The following NCOA1 variants were observed in gnomAD, a reference collection of about 807,000 sequenced individuals.
NCOA1 encodes Hin-2 protein.
In NCOA1, 35 loss-of-function variants were observed where a neutral mutation model predicts 150.9. The observed-to-expected ratio is 0.23, with a 90% CI of 0.18 to 0.31. The LOEUF is 0.31. Among genes scored for constraint, NCOA1 ranks in the 10% least tolerant of loss-of-function variants. The pLI is 1.00. For missense variants in NCOA1, 1,491 were observed against 1,749.3 expected, an observed-to-expected ratio of 0.85 and a Z score of 2.63; for synonymous variants, 590 against 630.0, an observed-to-expected ratio of 0.94 and a Z score of 0.95.
At chr2:24,767,246 C>T (rs1226937546) in intron 22 of NCOA1, among the ~76,000 whole-genome samples, 1 of 152,132 alleles carries the variant, frequency 6.6e-6, no homozygotes, top group East Asian at 1.9e-4. Flanking sequence ...AAAAAAAATA[C>T]ACCACTAATC....
chr2:24,616,645 A>G (rs1668882898), intron 3 of NCOA1, among the ~76,000 whole-genome samples: 1 of 152,208 alleles, frequency 6.6e-6, no homozygotes, highest in Non-Finnish European at 1.5e-5. Flanking sequence ...GTGACTTGAT[A>G]TAAGAGTACA....
At chr2:24,743,621 T>C (rs147776607) in intron 19 of NCOA1, among the ~76,000 whole-genome samples, 334 of 152,318 alleles carry the variant, frequency 2.2e-3, no homozygotes, top group African/African-American at 7.7e-3. Flanking sequence ...TGTCTTACAA[T>C]TTCTGTATGC....
chr2:24,588,857 T>C lies in NCOA1; in HGVS notation c.-175+4297T>C, dbSNP rs544180964. Among the ~76,000 whole-genome samples the C allele has an allele frequency of 5.9e-5, 9 of 152,342 alleles. No individual in the cohort carries two copies. In the South Asian group the frequency reaches 1.9e-3, roughly 32 times the overall value. On this transcript the variant is annotated intron_variant, in intron 3 of 22. Coordinates refer to ENST00000348332, the MANE Select transcript of NCOA1 (RefSeq NM_003743.5). The stretch of plus-strand genomic sequence containing the variant: ...ATAATAATCATCATGAAATCTGTAG[T>C]AGGATCACACCTTATGTATACTCAG...
In NCOA1 at chr2:24,525,832, G is replaced by C. The variant is rs561602185; in HGVS notation, c.-396+34230G>C. Among the ~76,000 whole-genome samples, 49 of 152,252 alleles carry C rather than the reference G, an allele frequency of 3.2e-4. 1 individual carries two copies. The South Asian group carries it at 1.0e-2, about 31-fold the overall frequency. ...CAAAGTGCTGGGATTACAGGCATGA[G>C]CCCCCGAGCCCGACCTTATGTTAGA... On this transcript the variant is annotated intron_variant, in intron 1 of 22. Coordinates refer to ENST00000348332, the MANE Select transcript of NCOA1 (RefSeq NM_003743.5).
chr2:24,700,659 T>C (rs1022422012), intron 11 of NCOA1, among the ~76,000 whole-genome samples: 3 of 152,178 alleles, frequency 2.0e-5, no homozygotes, highest in Non-Finnish European at 4.4e-5. Context: ...TAGGAGAAGA[T>C]CCATGCAAGT....
chr2:24,641,269 T>C (rs1670203603), intron 3 of NCOA1, among the ~76,000 whole-genome samples: 1 of 151,268 alleles, frequency 6.6e-6, no homozygotes, highest in Non-Finnish European at 1.5e-5. Context: ...GTAATATAAT[T>C]AACATTTAAT....
In NCOA1 at chr2:24,769,294, T is replaced by C. The variant is rs561509692; in HGVS notation, c.*903T>C. 4.2e-5 allele frequency: 8 copies of C among 189,478 alleles called. No individual in the cohort carries two copies. The highest frequency in any genetic ancestry group is 6.7e-5 in the Non-Finnish European group (6 of 89,926). 11.7% of individuals were successfully genotyped at this position (189,478 alleles called of 1,614,324 possible). On this transcript the variant is annotated 3_prime_UTR_variant, in exon 23 of 23. Transcript: ENST00000348332. ...CTCATTGTAAATATATTTGATTTCT[T>C]GTAGAAATTGATTTCCTTCTGTTTA... is the stretch of plus-strand genomic sequence containing the variant.
At chr2:24,686,615 A>G (rs1672417081) in intron 8 of NCOA1, among the ~76,000 whole-genome samples, 1 of 152,130 alleles carries the variant, frequency 6.6e-6, no homozygotes, top group Non-Finnish European at 1.5e-5. Context: ...TCAGGACCTT[A>G]TGTGAGTGAT....
intron 3 of NCOA1, among the ~76,000 whole-genome samples, chr2:24,624,821 G>T (rs757585382): frequency 4.6e-5 from 7 of 152,214 alleles, no homozygotes; most frequent in Non-Finnish European, 8.8e-5. Flanking sequence ...GACTCTTGGG[G>T]TGGATGCATG....
chr2:24,609,753 T>C (rs1668540763), intron 3 of NCOA1, among the ~76,000 whole-genome samples: 1 of 152,182 alleles, frequency 6.6e-6, no homozygotes, highest in East Asian at 1.9e-4. Context: ...AGGAAATTCT[T>C]TCTGGTAACT....
At chr2:24,666,906 A>G (rs2148508231) in intron 6 of NCOA1, among the ~76,000 whole-genome samples, 1 of 152,258 alleles carries the variant, frequency 6.6e-6, no homozygotes, top group East Asian at 1.9e-4. Flanking sequence ...CATACCATCA[A>G]ACTCCTTGGT....
chr2:24,544,854 TA>T (rs1452686298), intron 1 of NCOA1, among the ~76,000 whole-genome samples: 3 of 152,076 alleles, frequency 2.0e-5, no homozygotes, highest in Non-Finnish European at 2.9e-5. Context: ...ATATTGGGAT[TA>T]AAAAAATAAG....
chr2:24,683,500 C>T (rs1367443505), intron 8 of NCOA1, among the ~76,000 whole-genome samples: 1 of 152,134 alleles, frequency 6.6e-6, no homozygotes, highest in Admixed American at 6.5e-5. Flanking sequence ...TGTCATATAT[C>T]TACTAAAATT....
At chr2:24,567,355 G>A (rs1041612915) in intron 2 of NCOA1, among the ~76,000 whole-genome samples, 1 of 152,004 alleles carries the variant, frequency 6.6e-6, no homozygotes, top group Non-Finnish European at 1.5e-5. Flanking sequence ...TGTTTTTTTA[G>A]GTATATCTTT....
At position 24,673,394 on chromosome 2, in the gene NCOA1, G is replaced by A; in HGVS notation, c.285G>A (p.Gln95=). 6.3e-7 allele frequency: 1 copy of A among 1,579,838 alleles called. No homozygotes were observed. The highest frequency in any genetic ancestry group is 1.8e-5 in the Admixed American group (1 of 54,116). ...AATCAACAACTGATGACGATGTACAGAAATCAGACATCTCATCAAGTAGTC... is the reference window on the plus strand; with the variant it reads ...AATCAACAACTGATGACGATGTACAAAAATCAGACATCTCATCAAGTAGTC... ...QEKSTTDDDV[Q]KSDISSSSQG... is the part of the protein sequence containing the mutation. The change falls in exon 7 of 23, where the codon CAG becomes CAA. Residue 95 remains glutamine, a synonymous_variant. Coordinates refer to ENST00000348332, the MANE Select transcript of NCOA1 (RefSeq NM_003743.5).
At chr2:24,655,960 T>C (rs1225065662) in intron 4 of NCOA1, among the ~76,000 whole-genome samples, 4 of 151,608 alleles carry the variant, frequency 2.6e-5, no homozygotes, top group African/African-American at 4.8e-5. Flanking sequence ...TGGTGGCAGG[T>C]GCCTGTAGTC....
chr2:24,544,039 A>G lies in NCOA1; in HGVS notation c.-395-20256A>G, dbSNP rs1429639653. Among the ~76,000 whole-genome samples, 3 of 152,156 alleles carry G rather than the reference A, an allele frequency of 2.0e-5. No individual in the cohort carries two copies. In the East Asian group the frequency reaches 5.8e-4, roughly 29 times the overall value. On this transcript the variant is annotated intron_variant, in intron 1 of 22. Coordinates refer to ENST00000348332, the MANE Select transcript of NCOA1 (RefSeq NM_003743.5). ...TGGGAGGTAATGTTAGATTGGCTAC[A>G]GTAGGAGGATCATAAGGATGGAGAT...
chr2:24,766,247 A>G (rs1474580330), intron 22 of NCOA1, among the ~76,000 whole-genome samples: 1 of 152,192 alleles, frequency 6.6e-6, no homozygotes, highest in African/African-American at 2.4e-5. Flanking sequence ...AGAACTTTCT[A>G]GTTTGTTTTA....
intron 1 of NCOA1, among the ~76,000 whole-genome samples, chr2:24,513,011 A>G (rs2148112304): frequency 6.6e-6 from 1 of 152,318 alleles, no homozygotes; most frequent in Non-Finnish European, 1.5e-5. Context: ...AGGCTTGCGA[A>G]AACAGCCTTC....
Sources: gnomAD v4.1 joint callset for allele counts (sites outside exome capture counted in the v4.1 genomes callset) on GRCh38, gnomAD v4.1.1 for gene constraint, MANE v1.5 for transcripts, NCBI Gene and HGNC (gene_info 2026-07-23, HGNC 2026-07-21) for gene names.